The following SCHIP1 variants were observed in gnomAD, a reference collection of about 807,000 sequenced individuals.
SCHIP1 encodes the protein schwannomin-interacting protein 1.
In SCHIP1, 8 loss-of-function variants were observed where a neutral mutation model predicts 29.7. The observed-to-expected ratio is 0.27, with a 90% CI of 0.16 to 0.49. SCHIP1 has a LOEUF of 0.49. Ranked by LOEUF, SCHIP1 falls within the 20% of genes least tolerant of loss-of-function variation. SCHIP1 has a pLI of 0.99. For missense variants in SCHIP1, 193 were observed against 294.6 expected (o/e 0.66, Z 2.52); for synonymous variants, 76 against 94.9 (o/e 0.80, Z 1.16).
chr3:159,691,914 G>T, the SCHIP1 span, among the ~76,000 whole-genome samples: 9 of 150,744 alleles, frequency 6.0e-5, no homozygotes, highest in Admixed American at 2.0e-4. Flanking sequence ...CTTTAAGAAT[G>T]TTGAATATTG....
At chr3:159,514,683 A>G in the SCHIP1 span, among the ~76,000 whole-genome samples, 1 of 152,212 alleles carries the variant, frequency 6.6e-6, no homozygotes, top group Non-Finnish European at 1.5e-5. Context: ...TGAAAACTAA[A>G]CTATTTCTTC....
chr3:159,828,688 C>A, the SCHIP1 span, among the ~76,000 whole-genome samples: 1 of 151,872 alleles, frequency 6.6e-6, no homozygotes, highest in African/African-American at 2.4e-5. Flanking sequence ...ACTCTATTAA[C>A]CTGGTTTTAA....
At chr3:159,609,435 G>T in the SCHIP1 span, among the ~76,000 whole-genome samples, 2 of 152,330 alleles carry the variant, frequency 1.3e-5, no homozygotes, top group East Asian at 3.9e-4. Context: ...GCTATTAGTT[G>T]TTTGTAAATA....
At chr3:159,689,125 T>A in the SCHIP1 span, among the ~76,000 whole-genome samples, 3 of 152,244 alleles carry the variant, frequency 2.0e-5, no homozygotes, top group Non-Finnish European at 4.4e-5. Context: ...TTTTTTCTAA[T>A]TCTGTGAAGA....
the SCHIP1 span, among the ~76,000 whole-genome samples, chr3:159,290,852 T>C: frequency 1.3e-5 from 2 of 152,092 alleles, no homozygotes; most frequent in Non-Finnish European, 2.9e-5. Flanking sequence ...GATTTTTAGA[T>C]ATGAGAAAAG....
the SCHIP1 span, among the ~76,000 whole-genome samples, chr3:159,283,848 T>C: frequency 6.6e-6 from 1 of 152,192 alleles, no homozygotes; most frequent in Non-Finnish European, 1.5e-5. Flanking sequence ...CTAAGCAAAA[T>C]AGGTTGTCTT....
At chr3:159,371,372 T>C in the SCHIP1 span, among the ~76,000 whole-genome samples, 2 of 152,244 alleles carry the variant, frequency 1.3e-5, no homozygotes, top group Non-Finnish European at 2.9e-5. Flanking sequence ...ACCTCCACAT[T>C]GTAGTTACCT....
the SCHIP1 span, among the ~76,000 whole-genome samples, chr3:159,510,541 G>A: frequency 2.9e-4 from 44 of 150,678 alleles, no homozygotes; most frequent in South Asian, 6.4e-4. Flanking sequence ...GAGGAGAGGC[G>A]CTCTGATTTT....
chr3:159,790,237 T>C, the SCHIP1 span, among the ~76,000 whole-genome samples: 4 of 152,378 alleles, frequency 2.6e-5, no homozygotes, highest in East Asian at 7.7e-4. Context: ...AGTGAATCAT[T>C]AAAATGTTAC....
chr3:159,840,006 C>T lies in SCHIP1; in HGVS notation c.-179C>T, dbSNP rs984853226. 3 of 1,435,772 alleles carry T rather than the reference C, an allele frequency of 2.1e-6. No homozygotes were observed. The Admixed American group carries it at 8.5e-5, about 41-fold the overall frequency. 88.9% of individuals were successfully genotyped at this position (1,435,772 alleles called of 1,614,324 possible). On this transcript the variant is annotated 5_prime_UTR_variant, in exon 1 of 7. Coordinates refer to ENST00000445224, the Ensembl canonical transcript of SCHIP1. The stretch of plus-strand genomic sequence containing the variant: ...AGCTCAGCTCGCTAGCTGCGCGCTT[C>T]CCGGCACAGGCAGTGCCACTGCGCA...
the SCHIP1 span, among the ~76,000 whole-genome samples, chr3:159,671,859 G>C: frequency 1.3e-5 from 2 of 152,256 alleles, no homozygotes; most frequent in East Asian, 3.9e-4. Flanking sequence ...AGAAATGCGA[G>C]AACCCAGCTC....
the SCHIP1 span, among the ~76,000 whole-genome samples, chr3:159,383,500 G>A: frequency 1.3e-5 from 2 of 151,644 alleles, no homozygotes; most frequent in African/African-American, 4.8e-5. Context: ...ATGCTGTTTT[G>A]GTTACTGTAG....
the SCHIP1 span, among the ~76,000 whole-genome samples, chr3:159,612,042 C>T: frequency 2.0e-5 from 3 of 151,964 alleles, no homozygotes; most frequent in African/African-American, 7.3e-5. Flanking sequence ...AAAATCAAAA[C>T]TTTACAGGCA....
At chr3:159,631,311 C>T in the SCHIP1 span, among the ~76,000 whole-genome samples, 1 of 152,042 alleles carries the variant, frequency 6.6e-6, no homozygotes, top group Non-Finnish European at 1.5e-5. Flanking sequence ...CATAGAATTA[C>T]TATATGGACC....
At chr3:159,587,071 C>T in the SCHIP1 span, among the ~76,000 whole-genome samples, 10 of 152,156 alleles carry the variant, frequency 6.6e-5, no homozygotes, top group Non-Finnish European at 1.2e-4. Context: ...GCAGATGCCA[C>T]TCAGACTCCA....
chr3:159,842,785 C>T (rs1028729664), intron 1 of SCHIP1, among the ~76,000 whole-genome samples: 2 of 150,828 alleles, frequency 1.3e-5, no homozygotes, highest in African/African-American at 4.9e-5. Context: ...GGGACATACA[C>T]TAAAATATTG....
the SCHIP1 span, among the ~76,000 whole-genome samples, chr3:159,638,779 T>C: frequency 6.6e-6 from 1 of 152,114 alleles, no homozygotes; most frequent in Non-Finnish European, 1.5e-5. Flanking sequence ...TAAATACTTA[T>C]ATTCATTTAT....
the SCHIP1 span, among the ~76,000 whole-genome samples, chr3:159,726,257 G>A: frequency 3.9e-5 from 6 of 152,154 alleles, no homozygotes; most frequent in Non-Finnish European, 8.8e-5. Flanking sequence ...TTAGTAGGAC[G>A]GCTTCTGCTG....
chr3:159,385,319 A>G, the SCHIP1 span, among the ~76,000 whole-genome samples: 1 of 152,212 alleles, frequency 6.6e-6, no homozygotes, highest in African/African-American at 2.4e-5. Flanking sequence ...GCACTTTGGG[A>G]GGCTGAGTTG....
Sources: allele counts gnomAD v4.1 joint callset (sites outside exome capture counted in the v4.1 genomes callset), GRCh38; gene constraint gnomAD v4.1.1; transcripts MANE v1.5; gene names NCBI Gene and HGNC (gene_info 2026-07-23, HGNC 2026-07-21).